Variants in STRN observed in about 807,000 individuals in gnomAD.
The protein encoded by STRN is protein phosphatase 2 regulatory subunit B'''alpha.
A neutral mutation model predicts 96.3 loss-of-function variants in STRN; 53 were observed. That is an observed-to-expected ratio of 0.55 (90% CI 0.44 to 0.69). STRN has a LOEUF of 0.69. Among genes scored for constraint, STRN ranks in the 30% least tolerant of loss-of-function variants. STRN has a pLI of 0.00. For synonymous variants in STRN, 428 were observed against 355.9 expected, an observed-to-expected ratio of 1.20 and a Z score of -2.28; for missense variants, 987 against 963.9, an observed-to-expected ratio of 1.02 and a Z score of -0.32.
chr2:36,851,734 C>A (rs1668227469), intron 15 of STRN, among the ~76,000 whole-genome samples: 1 of 152,206 alleles, frequency 6.6e-6, no homozygotes, highest in African/African-American at 2.4e-5. Context: ...TAAGTTCTAT[C>A]ATCACTTACA....
rs973750575 is a variant in STRN at position 36,845,566 on chromosome 2, G to A, written c.*3890C>T. On this transcript the variant is annotated 3_prime_UTR_variant, in exon 18 of 18. Coordinates refer to ENST00000263918, the MANE Select transcript of STRN (RefSeq NM_003162.4). ...CCACATAAGAACTTCATGACATGCT[G>A]TTTTGTAAGAGGGAAATATATGAAG... 3 of 152,068 alleles carry A rather than the reference G, an allele frequency of 2.0e-5. No individual in the cohort carries two copies. The highest frequency in any genetic ancestry group is 2.0e-4 in the Admixed American group (3 of 15,264). 9.4% of individuals were successfully genotyped at this position (152,068 alleles called of 1,614,324 possible). A position where few individuals can be genotyped will look rare whatever the true frequency, so the allele number is the denominator to read the frequency against.
chr2:36,955,913 G>C (rs1246724682), intron 1 of STRN, among the ~76,000 whole-genome samples: 1 of 152,136 alleles, frequency 6.6e-6, no homozygotes, highest in Non-Finnish European at 1.5e-5. Flanking sequence ...TATACACACA[G>C]TTTAAACGTA....
chr2:36,872,300 G>C (rs1222920059), intron 10 of STRN, among the ~76,000 whole-genome samples: 1 of 152,174 alleles, frequency 6.6e-6, no homozygotes, highest in Non-Finnish European at 1.5e-5. Flanking sequence ...CCCATGGAGA[G>C]ACCTATGTGG....
At chr2:36,944,717 G>A (rs2148258692) in intron 1 of STRN, among the ~76,000 whole-genome samples, 1 of 152,226 alleles carries the variant, frequency 6.6e-6, no homozygotes, top group South Asian at 2.1e-4. Flanking sequence ...TGGACAGAAA[G>A]ACATTCCATG....
rs1210273302 is a variant in STRN at position 36,899,636 on chromosome 2, C to G, written c.682G>C (p.Ala228Pro). Residue 228 changes from alanine (A) to proline (P), a missense_variant, in exon 6 of 18, where the codon GCC (alanine) becomes CCC (proline). By Grantham distance (27) the Ala-to-Pro change is conservative (BLOSUM62 -1). Transcript: ENST00000263918. ...MIAKSELTDS[A>P]SVLDNFKFLE... ...AATTTGAAATTATCCAGCACGGAGG[C>G]AGAATCTGTTAACTCAGATTTTCTG... The G allele has an allele frequency of 1.9e-6, 3 of 1,611,240 alleles. No individual in the cohort carries two copies. The highest frequency in any genetic ancestry group is 1.1e-5 in the South Asian group (1 of 90,592).
At chr2:36,874,009 A>G (rs1452382110) in intron 10 of STRN, among the ~76,000 whole-genome samples, 1 of 151,122 alleles carries the variant, frequency 6.6e-6, no homozygotes, top group Non-Finnish European at 1.5e-5. Context: ...TAATCCCAGC[A>G]CTCTGGGAGG....
chr2:36,918,607 T>C (rs1191409740), intron 2 of STRN, among the ~76,000 whole-genome samples: 1 of 152,098 alleles, frequency 6.6e-6, no homozygotes, highest in Non-Finnish European at 1.5e-5. Flanking sequence ...TGTGACACAT[T>C]ATGAACATTT....
At chr2:36,889,138 T>A (rs909447147) in intron 7 of STRN, among the ~76,000 whole-genome samples, 4 of 152,202 alleles carry the variant, frequency 2.6e-5, no homozygotes, top group Admixed American at 2.6e-4. Flanking sequence ...ACCAGAAGAA[T>A]AAGTATCTTC....
At chr2:36,906,294 G>C (rs1379965186) in intron 3 of STRN, among the ~76,000 whole-genome samples, 4 of 151,688 alleles carry the variant, frequency 2.6e-5, no homozygotes, top group African/African-American at 9.7e-5. Flanking sequence ...AGTAAACCCT[G>C]TCTCTACAAA....
At chr2:36,927,210 A>G (rs1295302793) in intron 1 of STRN, among the ~76,000 whole-genome samples, 2 of 152,140 alleles carry the variant, frequency 1.3e-5, no homozygotes, top group African/African-American at 2.4e-5. Flanking sequence ...AATTACAATT[A>G]AAAGTATAAT....
In STRN at chr2:36,898,161, T is replaced by C. The variant is rs546413593; in HGVS notation, c.795+1362A>G. 3.9e-5 allele frequency among the ~76,000 whole-genome samples: 6 copies of C among 152,336 alleles called. No homozygotes were observed. In the South Asian group the frequency reaches 1.2e-3, roughly 32 times the overall value. On this transcript the variant is annotated intron_variant, in intron 6 of 17. Coordinates refer to ENST00000263918, the MANE Select transcript of STRN (RefSeq NM_003162.4). ...TAAATTGATATCACTAACAGAAACA[T>C]AGCATCATGATTCAAGGCATTATTT...
chr2:36,866,133 G>T (rs1668616360), intron 12 of STRN, among the ~76,000 whole-genome samples: 1 of 151,988 alleles, frequency 6.6e-6, no homozygotes, highest in Non-Finnish European at 1.5e-5. Context: ...GGTGTGCAGT[G>T]GCATGACCTC....
rs149907998 is a variant in STRN, at chr2:36,857,087, CT to C, written c.1837+768del. Among the ~76,000 whole-genome samples, 439 of 142,734 alleles carry C rather than the reference CT, an allele frequency of 3.1e-3. 2 individuals are homozygous for C. Among genetic ancestry groups the C allele is most frequent in the African/African-American group, 7.3e-3 (283 of 39,024 alleles). 93.6% of individuals were successfully genotyped at this position (142,734 alleles called of 152,430 possible). On this transcript the variant is annotated intron_variant, in intron 14 of 17. Transcript: ENST00000263918. ...TGGTACGAGAATGGGCAAATATAGT[CT>C]TTTTTTTTTTTAAAGAAAATGTAGA... is the stretch of plus-strand genomic sequence containing the variant.
rs187665259 is a variant in STRN, at chr2:36,857,899, T to A, written c.1794A>T (p.Thr598=). 70 of 1,614,170 alleles carry A rather than the reference T, an allele frequency of 4.3e-5. No homozygotes were observed. The African/African-American group carries it at 8.4e-4, about 19-fold the overall frequency. ...CACTTAGTGCTGGAGCAACCTCAGTTGTATTCCATAAACGCAGAGTGCCAT... is the reference window on the plus strand; with the variant it reads ...CACTTAGTGCTGGAGCAACCTCAGTAGTATTCCATAAACGCAGAGTGCCAT... ...SADGTLRLWN[T]TEVAPALSVF... The change falls in exon 14 of 18, where the codon ACA becomes ACT. Residue 598 remains threonine (T), a synonymous_variant. Coordinates refer to ENST00000263918, the MANE Select transcript of STRN (RefSeq NM_003162.4).
intron 10 of STRN, among the ~76,000 whole-genome samples, chr2:36,871,246 C>T (rs1001258077): frequency 2.6e-5 from 4 of 152,212 alleles, no homozygotes; most frequent in African/African-American, 9.6e-5. Context: ...TAGACCTTCA[C>T]ATTCACTCAT....
At position 36,861,263 on chromosome 2, in the gene STRN, T is replaced by TA. The variant is rs776724775; in HGVS notation, c.1548-11dup. 186 of 1,602,654 alleles carry TA rather than the reference T, an allele frequency of 1.2e-4. No individual in the cohort carries two copies. In the Middle Eastern group the frequency reaches 5.1e-3, roughly 44 times the overall value. ...ACAAAGCACTGGACCTCTGGGAGAT[T>TA]AAAAAAAATAAATCAACTGCTATTC... On this transcript the variant is annotated splice_polypyrimidine_tract_variant and intron_variant, in intron 12 of 17. Coordinates refer to ENST00000263918, the MANE Select transcript of STRN (RefSeq NM_003162.4).
intron 7 of STRN, 138 bp downstream of exon 7, chr2:36,893,760 G>T: frequency 2.0e-6 from 2 of 985,248 alleles, no homozygotes; most frequent in Admixed American, 2.8e-5. Flanking sequence ...ATTCACCCTG[G>T]ATAAAGGGTG....
Position 36,856,054 on chromosome 2 carries a change from C to G in STRN, c.1838-702G>C, listed in dbSNP as rs559504208. ...AGAAGATACACAAATAACCAATAAGCAAACAAAAGAAATGCTCATCAAAAT... is the reference window on the plus strand; with the variant it reads ...AGAAGATACACAAATAACCAATAAGGAAACAAAAGAAATGCTCATCAAAAT... On this transcript the variant is annotated intron_variant, in intron 14 of 17. Transcript: ENST00000263918. 1.3e-3 allele frequency among the ~76,000 whole-genome samples: 202 copies of G among 151,972 alleles called. 1 individual carries two copies. The highest frequency in any genetic ancestry group is 0.01 in the Middle Eastern group (3 of 294).
chr2:36,876,997 C>G (rs1668932375), intron 10 of STRN, among the ~76,000 whole-genome samples: 1 of 152,184 alleles, frequency 6.6e-6, no homozygotes, highest in South Asian at 2.1e-4. Flanking sequence ...ATCCACCCGC[C>G]TTGGCCTCCC....
Sources: allele counts gnomAD v4.1 joint callset (sites outside exome capture counted in the v4.1 genomes callset), GRCh38; gene constraint gnomAD v4.1.1; transcripts MANE v1.5; gene names NCBI Gene and HGNC (gene_info 2026-07-23, HGNC 2026-07-21).